The following TTC3 variants were observed in gnomAD, a reference collection of about 807,000 sequenced individuals.
TTC3 encodes the protein tetratricopeptide repeat domain 3.
Under a neutral mutation model 249.6 loss-of-function variants are expected in TTC3, and 180 were observed. The ratio of observed to expected loss-of-function variants is 0.72; its 90% CI spans 0.64 to 0.82. The LOEUF is 0.82. Ranked by LOEUF, TTC3 falls within the 40% of genes least tolerant of loss-of-function variation. The pLI, the probability that TTC3 is intolerant of heterozygous loss-of-function variation, is 0.00. For synonymous variants in TTC3, 717 were observed against 805.0 expected, an observed-to-expected ratio of 0.89 and a Z score of 1.85; for missense variants, 2,061 against 2,398.4, an observed-to-expected ratio of 0.86 and a Z score of 2.94.
chr21:37,108,852 A>T (rs1373330325), intron 11 of TTC3, among the ~76,000 whole-genome samples: 3 of 152,244 alleles, frequency 2.0e-5, no homozygotes, highest in Non-Finnish European at 4.4e-5. Flanking sequence ...ATTTGGCTAT[A>T]TCGAACTTAA....
chr21:37,079,850 T>C (rs1421765166), intron 1 of TTC3, among the ~76,000 whole-genome samples: 1 of 152,136 alleles, frequency 6.6e-6, no homozygotes, highest in Non-Finnish European at 1.5e-5. Flanking sequence ...TAATTCTCTT[T>C]TTAATCTCTG....
In TTC3 at chr21:37,132,858, G is replaced by GT. The variant is rs199783734; in HGVS notation, c.1443+100dup. The GT allele has an allele frequency of 2.4e-3, 2,071 of 880,024 alleles. 29 individuals are homozygous for GT. The African/African-American group carries it at 0.031, about 13-fold the overall frequency. 54.5% of individuals were successfully genotyped at this position (880,024 alleles called of 1,614,324 possible). On this transcript the variant is annotated intron_variant, in intron 17 of 45. Coordinates refer to ENST00000355666, the Ensembl canonical transcript of TTC3. ...AGGTTCTAATCATGTACATCTCTAAGTTTTTTTTATATAATTATTGTATTA... is the reference window on the plus strand; with the variant it reads ...AGGTTCTAATCATGTACATCTCTAAGTTTTTTTTTATATAATTATTGTATTA...
chr21:37,201,800 A>G, exon 46 of TTC3: 1 of 593,624 alleles, frequency 1.7e-6, no homozygotes, highest in Non-Finnish European at 2.8e-6. Context: ...TACCACACTC[A>G]TGGGTCACTG....
At chr21:37,089,552 C>T (rs1420617604) in intron 5 of TTC3, among the ~76,000 whole-genome samples, 5 of 152,108 alleles carry the variant, frequency 3.3e-5, no homozygotes, top group African/African-American at 4.8e-5. Context: ...CACCCTCTGT[C>T]GCCCATGCTG....
chr21:37,183,832 C>T (rs1318815358), intron 36 of TTC3, among the ~76,000 whole-genome samples: 1 of 152,176 alleles, frequency 6.6e-6, no homozygotes, highest in Non-Finnish European at 1.5e-5. Flanking sequence ...AGGCCCAGAA[C>T]TGTCACAGCA....
At chr21:37,150,049 T>C in intron 23 of TTC3, 29 bp from the exon 24 acceptor site, 1 of 1,467,706 alleles carries the variant, frequency 6.8e-7, no homozygotes, top group Non-Finnish European at 9.3e-7. Flanking sequence ...ATAACATTTT[T>C]CTTGTTTTTT....
At chr21:37,194,557 C>A (rs2084631908) in intron 41 of TTC3, 1 of 152,042 alleles carries the variant, frequency 6.6e-6, no homozygotes, top group South Asian at 2.1e-4. Flanking sequence ...CATAGAGAAG[C>A]AATATATTGC....
intron 14 of TTC3, 118 bp downstream of exon 14, chr21:37,124,860 TG>T (rs1189232432): frequency 1.1e-6 from 1 of 900,492 alleles, no homozygotes; most frequent in Admixed American, 2.8e-5. Context: ...TTTTGCCTAT[TG>T]TTACTGAAAT....
chr21:37,146,837 G>A (rs935337791), intron 21 of TTC3, among the ~76,000 whole-genome samples: 5 of 152,164 alleles, frequency 3.3e-5, no homozygotes, highest in Admixed American at 6.5e-5. Context: ...GAGTTGTATA[G>A]TGTGTAAATT....
intron 31 of TTC3, 78 bp from the exon 32 acceptor site, chr21:37,163,973 T>C (rs1459127922): frequency 6.8e-7 from 1 of 1,472,042 alleles, no homozygotes; most frequent in African/African-American, 1.4e-5. Flanking sequence ...TTATTTCAAT[T>C]AGACATTCTT....
chr21:37,164,076 C>G (rs768862533), exon 32 of TTC3: 1 of 1,609,418 alleles, frequency 6.2e-7, no homozygotes. Context: ...TTCTGCAGGC[C>G]CATTTGCAGT....
intron 35 of TTC3, among the ~76,000 whole-genome samples, chr21:37,179,929 T>G (rs1156667682): frequency 6.6e-6 from 1 of 152,262 alleles, no homozygotes; most frequent in Admixed American, 6.5e-5. Flanking sequence ...TGTGTTTTCA[T>G]GTTCTCTATC....
intron 24 of TTC3, 150 bp downstream of exon 24, chr21:37,150,320 G>A (rs938959856): frequency 6.2e-6 from 4 of 644,716 alleles, no homozygotes; most frequent in Non-Finnish European, 1.1e-5. Flanking sequence ...GAAATACTGG[G>A]ATGTGAGAAT....
chr21:37,202,555 C>T (rs553504638), exon 46 of TTC3: 2 of 152,354 alleles, frequency 1.3e-5, no homozygotes, highest in African/African-American at 2.4e-5. Context: ...GTGTTACAAT[C>T]GTTCTGTGTT....
intron 35 of TTC3, among the ~76,000 whole-genome samples, chr21:37,175,771 A>AT (rs905348858): frequency 3.7e-4 from 54 of 147,908 alleles, no homozygotes; most frequent in Admixed American, 6.8e-4. Flanking sequence ...GGCTTTTTAA[A>AT]TTTTTTTTTT....
chr21:37,124,655 T>C, exon 14 of TTC3: 2 of 1,613,232 alleles, frequency 1.2e-6, no homozygotes, highest in South Asian at 2.2e-5. Flanking sequence ...CACCTATATT[T>C]ACTACTTCAC....
chr21:37,174,352 A>G (rs1187484258), intron 35 of TTC3, among the ~76,000 whole-genome samples: 2 of 152,222 alleles, frequency 1.3e-5, no homozygotes, highest in Non-Finnish European at 2.9e-5. Flanking sequence ...TAGACTTGCC[A>G]CGTAAAATGT....
intron 27 of TTC3, among the ~76,000 whole-genome samples, chr21:37,154,705 TG>T: frequency 6.6e-6 from 1 of 152,278 alleles, no homozygotes; most frequent in African/African-American, 2.4e-5. Context: ...TTTGTTTGTT[TG>T]TTTTTTTGAG....
intron 15 of TTC3, among the ~76,000 whole-genome samples, chr21:37,128,720 T>G (rs1044082333): frequency 2.6e-5 from 4 of 152,226 alleles, no homozygotes; most frequent in African/African-American, 9.6e-5. Context: ...CCCATCTGAT[T>G]ATAAACTGAG....
Sources: allele counts gnomAD v4.1 joint callset (sites outside exome capture counted in the v4.1 genomes callset), GRCh38; gene constraint gnomAD v4.1.1; transcripts MANE v1.5; gene names NCBI Gene and HGNC (gene_info 2026-07-23, HGNC 2026-07-21).